CSMD1: variants seen among roughly 807,000 people sequenced by gnomAD.
The protein encoded by CSMD1 is CUB and sushi domain-containing protein 1.
Under a neutral mutation model 417.5 loss-of-function variants are expected in CSMD1, and 213 were observed. The observed-to-expected ratio is 0.51, with a 90% CI of 0.46 to 0.57. CSMD1 has a LOEUF of 0.57. Ranked by LOEUF, CSMD1 falls within the 20% of genes least tolerant of loss-of-function variation. The pLI, the probability that CSMD1 is intolerant of heterozygous loss-of-function variation, is 0.00. For missense variants in CSMD1, 6,923 were observed against 4,529.7 expected, an observed-to-expected ratio of 1.53 and a Z score of -15.17; for synonymous variants, 2,862 against 1,736.8, an observed-to-expected ratio of 1.65 and a Z score of -16.11.
At chr8:3,949,893 G>A (rs1318107031) in intron 5 of CSMD1, 2 of 455,728 alleles carry the variant, frequency 4.4e-6, no homozygotes, top group Non-Finnish European at 8.8e-6. Context: ...TCAAGATTGT[G>A]CCTCCATGGG....
At chr8:3,706,622 C>G (rs1221477560) in intron 7 of CSMD1, among the ~76,000 whole-genome samples, 1 of 152,156 alleles carries the variant, frequency 6.6e-6, no homozygotes, top group African/African-American at 2.4e-5. Context: ...AAAAGCTCTG[C>G]CTCAATCTTA....
Position 4,628,445 on chromosome 8 carries a change from T to C in CSMD1, c.302+8897A>G, listed in dbSNP as rs914049027. Among the ~76,000 whole-genome samples the C allele has an allele frequency of 3.4e-5, 5 of 147,538 alleles. No homozygotes were observed. The South Asian group carries it at 8.6e-4, about 25-fold the overall frequency. On this transcript the variant is annotated intron_variant, in intron 2 of 69. Coordinates refer to ENST00000635120, the MANE Select transcript of CSMD1 (RefSeq NM_033225.6). ...ATATATATACACATATACACATATA[T>C]ACACATATACATATATATGTATATG... is the stretch of plus-strand genomic sequence containing the variant.
At chr8:4,337,816 A>T (rs763637556) in intron 3 of CSMD1, among the ~76,000 whole-genome samples, 2 of 152,202 alleles carry the variant, frequency 1.3e-5, no homozygotes. Context: ...TCAGTAGAAT[A>T]AATCAGGTAA....
chr8:3,189,070 A>T, intron 34 of CSMD1, 59 bp from the exon 35 acceptor site: 1 of 1,498,886 alleles, frequency 6.7e-7, no homozygotes, highest in South Asian at 1.4e-5. Flanking sequence ...TTGATTTGGC[A>T]TGCAGTTTTC....
At chr8:3,473,033 A>C (rs1456613555) in intron 11 of CSMD1, among the ~76,000 whole-genome samples, 1 of 151,940 alleles carries the variant, frequency 6.6e-6, no homozygotes, top group Non-Finnish European at 1.5e-5. Context: ...CTGGCATTTC[A>C]TCTCCCCTAG....
At chr8:3,894,554 C>T (rs1807223426) in intron 5 of CSMD1, among the ~76,000 whole-genome samples, 1 of 151,934 alleles carries the variant, frequency 6.6e-6, no homozygotes, top group Admixed American at 6.6e-5. Context: ...AAAAGTGTAC[C>T]TAAAATAGAT....
Position 4,208,868 on chromosome 8 carries a change from A to T in CSMD1, c.416-176769T>A, listed in dbSNP as rs189251385. Reference sequence around the variant, plus strand: ...GAGGTAGCAATAAGTATCCATTCAAAATACCAGGGAGTGTGAGATTTTCTT... The same window carrying T: ...GAGGTAGCAATAAGTATCCATTCAATATACCAGGGAGTGTGAGATTTTCTT... On this transcript the variant is annotated intron_variant, in intron 3 of 69. Coordinates refer to ENST00000635120, the MANE Select transcript of CSMD1 (RefSeq NM_033225.6). Among the ~76,000 whole-genome samples, 8 of 152,308 alleles carry T rather than the reference A, an allele frequency of 5.3e-5. No individual in the cohort carries two copies. The East Asian group carries it at 1.5e-3, about 29-fold the overall frequency.
At chr8:3,372,950 T>C (rs531096531) in intron 18 of CSMD1, among the ~76,000 whole-genome samples, 3 of 152,264 alleles carry the variant, frequency 2.0e-5, no homozygotes, top group South Asian at 4.1e-4. Flanking sequence ...TCAGAAGGTT[T>C]GGATTCGTAA....
At chr8:4,148,667 G>A (rs192602184) in intron 3 of CSMD1, among the ~76,000 whole-genome samples, 6 of 152,196 alleles carry the variant, frequency 3.9e-5, no homozygotes, top group Admixed American at 2.0e-4. Context: ...AGAGAGGAGC[G>A]TGCCCTCGTG....
rs148497278 is a variant in CSMD1, at chr8:3,726,336, C to T, written c.932-17845G>A. Among the ~76,000 whole-genome samples, 1,485 of 152,250 alleles carry T rather than the reference C, an allele frequency of 9.8e-3. 14 individuals are homozygous for T. Among genetic ancestry groups the T allele is most frequent in the Non-Finnish European group, 0.013 (875 of 68,012 alleles). ...TTTCTTCATTAGGCCAATAATAATT[C>T]CGGTAATTTATTTGTAGCAATAGAA... is the stretch of plus-strand genomic sequence containing the variant. On this transcript the variant is annotated intron_variant, in intron 6 of 69. Transcript: ENST00000635120.
At chr8:4,343,011 T>A (rs1410677559) in intron 3 of CSMD1, among the ~76,000 whole-genome samples, 3 of 152,236 alleles carry the variant, frequency 2.0e-5, no homozygotes, top group East Asian at 1.9e-4. Flanking sequence ...GCAGTGCACC[T>A]GACTTGTGCC....
intron 2 of CSMD1, among the ~76,000 whole-genome samples, chr8:4,584,995 C>G (rs1397034051): frequency 6.6e-6 from 1 of 151,712 alleles, no homozygotes; most frequent in Admixed American, 6.6e-5. Flanking sequence ...CAAACCTCAA[C>G]CAGACTCTCA....
chr8:4,775,692 G>A (rs1052905172), intron 1 of CSMD1, among the ~76,000 whole-genome samples: 2 of 152,156 alleles, frequency 1.3e-5, no homozygotes, highest in African/African-American at 4.8e-5. Context: ...GCTGGACCAA[G>A]GCAGCGTCTG....
intron 4 of CSMD1, among the ~76,000 whole-genome samples, chr8:4,027,572 A>G (rs1217746523): frequency 2.0e-5 from 3 of 152,130 alleles, no homozygotes; most frequent in Non-Finnish European, 4.4e-5. Context: ...TCATAACTGC[A>G]TGGTTCCTGA....
intron 5 of CSMD1, among the ~76,000 whole-genome samples, chr8:3,894,055 C>G (rs992624545): frequency 6.6e-6 from 1 of 152,038 alleles, no homozygotes; most frequent in Non-Finnish European, 1.5e-5. Flanking sequence ...TCATTGCTGC[C>G]ACATCCTCAC....
At chr8:4,087,442 A>G (rs562745799) in intron 3 of CSMD1, among the ~76,000 whole-genome samples, 56 of 152,222 alleles carry the variant, frequency 3.7e-4, no homozygotes, top group Non-Finnish European at 6.8e-4. Context: ...TGTTAAATTA[A>G]GTAGAAACCA....
intron 4 of CSMD1, among the ~76,000 whole-genome samples, chr8:4,006,491 C>A (rs1039342270): frequency 6.6e-6 from 1 of 152,092 alleles, no homozygotes; most frequent in African/African-American, 2.4e-5. Context: ...TTGCAGTGAG[C>A]CAAGATCACC....
In CSMD1 at chr8:4,674,875, G is replaced by T. The variant is rs141711229; in HGVS notation, c.86-37317C>A. Among the ~76,000 whole-genome samples the T allele has an allele frequency of 2.7e-3, 404 of 152,234 alleles. 1 individual carries two copies. The highest frequency in any genetic ancestry group is 9.2e-3 in the African/African-American group (384 of 41,532). On this transcript the variant is annotated intron_variant, in intron 1 of 69. Transcript: ENST00000635120. ...TAGGAGGTGATTAGCTTTACATGAC[G>T]TTAGAAGGTGGAGACTCTCATGATG...
intron 10 of CSMD1, among the ~76,000 whole-genome samples, chr8:3,519,485 C>T (rs865892233): frequency 2.0e-5 from 3 of 152,278 alleles, no homozygotes; most frequent in South Asian, 4.1e-4. Flanking sequence ...ATTGAGACTA[C>T]ATTCAAACTC....
Sources: gnomAD v4.1 joint callset for allele counts (sites outside exome capture counted in the v4.1 genomes callset) on GRCh38, gnomAD v4.1.1 for gene constraint, MANE v1.5 for transcripts, NCBI Gene and HGNC (gene_info 2026-07-23, HGNC 2026-07-21) for gene names.